PTPRD: variants seen among roughly 807,000 people sequenced by gnomAD.
PTPRD encodes protein tyrosine phosphatase receptor type D.
Under a neutral mutation model 214.5 loss-of-function variants are expected in PTPRD, and 34 were observed. The ratio of observed to expected loss-of-function variants is 0.16; its 90% confidence interval spans 0.12 to 0.21. PTPRD has a LOEUF of 0.21. Ranked by LOEUF, PTPRD falls within the 10% of genes least tolerant of loss-of-function variation. PTPRD has a pLI of 1.00. For missense variants in PTPRD, 2,545 were observed against 2,398.7 expected, an observed-to-expected ratio of 1.06 and a Z score of -1.27; for synonymous variants, 1,128 against 845.7, an observed-to-expected ratio of 1.33 and a Z score of -5.79.
intron 5 of PTPRD, among the ~76,000 whole-genome samples, chr9:9,842,213 AACACACTTATGGTT>A (rs2058493569): frequency 6.6e-6 from 1 of 151,770 alleles, no homozygotes; most frequent in South Asian, 2.1e-4. Flanking sequence ...CTTTGGAACC[AACACACTTATGGTT>A]GTCTTTTTAG....
At chr9:8,820,727 C>A (rs1227845631) in intron 11 of PTPRD, among the ~76,000 whole-genome samples, 1 of 150,688 alleles carries the variant, frequency 6.6e-6, no homozygotes, top group Non-Finnish European at 1.5e-5. Flanking sequence ...ATACTACACA[C>A]CACACACACA....
intron 10 of PTPRD, among the ~76,000 whole-genome samples, chr9:9,041,418 A>G (rs149010255): frequency 0.013 from 1,970 of 152,102 alleles, 21 homozygotes; most frequent in Middle Eastern, 0.024. Flanking sequence ...CTATGTGTCC[A>G]TGTGTTCTCA....
chr9:10,252,659 C>T (rs1034259939), intron 3 of PTPRD, among the ~76,000 whole-genome samples: 3 of 151,970 alleles, frequency 2.0e-5, no homozygotes, highest in Non-Finnish European at 2.9e-5. Context: ...TGTTACATAG[C>T]GATAGATAAA....
chr9:10,234,153 C>G (rs890532719), intron 3 of PTPRD, among the ~76,000 whole-genome samples: 2 of 151,666 alleles, frequency 1.3e-5, no homozygotes, highest in Middle Eastern at 3.2e-3. Context: ...ACTCAGGAGG[C>G]TGATGCAGGA....
At chr9:9,495,970 G>T (rs144372721) in intron 8 of PTPRD, among the ~76,000 whole-genome samples, 1 of 152,120 alleles carries the variant, frequency 6.6e-6, no homozygotes, top group Admixed American at 6.5e-5. Flanking sequence ...CTCAGGCCCC[G>T]CATGAAGCTT....
chr9:9,989,079 GCTCTGGGGAGGAGTTATGTC>G (rs1281617725), intron 4 of PTPRD, among the ~76,000 whole-genome samples: 1 of 142,424 alleles, frequency 7.0e-6, no homozygotes, highest in Non-Finnish European at 1.5e-5. Flanking sequence ...CCAAAGAGTT[GCTCTGGGGAGGAGTTATGTC>G]CTCTGCCAAA....
chr9:9,479,577 T>C (rs971190058), intron 8 of PTPRD, among the ~76,000 whole-genome samples: 2 of 152,184 alleles, frequency 1.3e-5, no homozygotes, highest in African/African-American at 4.8e-5. Flanking sequence ...AACTTGCTTT[T>C]TCTATATAGA....
At chr9:8,832,952 T>G (rs1332429226) in intron 11 of PTPRD, among the ~76,000 whole-genome samples, 1 of 152,108 alleles carries the variant, frequency 6.6e-6, no homozygotes, top group Non-Finnish European at 1.5e-5. Context: ...ATATCTACTC[T>G]TCATTACCTA....
intron 7 of PTPRD, among the ~76,000 whole-genome samples, chr9:9,616,049 C>G (rs1276931624): frequency 2.6e-5 from 4 of 152,142 alleles, no homozygotes; most frequent in Non-Finnish European, 4.4e-5. Flanking sequence ...ATGCATTAGC[C>G]TGTAGTGCTT....
intron 5 of PTPRD, among the ~76,000 whole-genome samples, chr9:9,798,567 G>T (rs551836071): frequency 6.6e-6 from 1 of 152,158 alleles, no homozygotes; most frequent in African/African-American, 2.4e-5. Context: ...ATGGGAGAAG[G>T]TCAGAGAATG....
rs1377840977 is a variant in PTPRD, at chr9:8,981,005, G to A, written c.-104+37692C>T. 3.9e-5 allele frequency among the ~76,000 whole-genome samples: 6 copies of A among 152,026 alleles called. No individual in the cohort carries two copies. The East Asian group carries it at 9.7e-4, about 25-fold the overall frequency. On this transcript the variant is annotated intron_variant, in intron 11 of 45. Transcript: ENST00000381196. ...GAGTATGGGCCTCCTAGGAGTTGAA[G>A]CTGAAAGCTCCCCATAATCTTTGAG...
chr9:10,401,320 T>C (rs983232902), intron 2 of PTPRD, among the ~76,000 whole-genome samples: 1 of 151,566 alleles, frequency 6.6e-6, no homozygotes, highest in Non-Finnish European at 1.5e-5. Context: ...TTGCCTGAAG[T>C]AATTTACTTG....
intron 8 of PTPRD, among the ~76,000 whole-genome samples, chr9:9,409,196 T>G (rs2074548708): frequency 5.3e-5 from 8 of 151,952 alleles, no homozygotes; most frequent in Admixed American, 5.3e-4. Context: ...CTACAATATT[T>G]TTATAAAGTC....
chr9:8,928,827 G>A (rs1359413723), intron 11 of PTPRD, among the ~76,000 whole-genome samples: 3 of 152,126 alleles, frequency 2.0e-5, no homozygotes, highest in Admixed American at 6.6e-5. Flanking sequence ...CCATGAGGAT[G>A]GAATGTTTTT....
At chr9:8,571,019 G>A (rs758638036) in intron 14 of PTPRD, among the ~76,000 whole-genome samples, 2 of 151,828 alleles carry the variant, frequency 1.3e-5, no homozygotes, top group Admixed American at 6.6e-5. Flanking sequence ...ACACATAAAA[G>A]CACCAAGCTC....
At chr9:9,943,324 G>A (rs2091959924) in intron 4 of PTPRD, among the ~76,000 whole-genome samples, 1 of 152,014 alleles carries the variant, frequency 6.6e-6, no homozygotes, top group African/African-American at 2.4e-5. Context: ...ATTTTCCCCT[G>A]TACAGTAGTC....
At position 8,985,989 on chromosome 9, in the gene PTPRD, T is replaced by C. The variant is rs527448081; in HGVS notation, c.-104+32708A>G. ...CTTTCAATCTACTGTGTTCATCAAA[T>C]ATTAGCTATAAAAGCTTTTTTACAG... On this transcript the variant is annotated intron_variant, in intron 11 of 45. Coordinates refer to ENST00000381196, the MANE Select transcript of PTPRD (RefSeq NM_002839.4). 1.6e-4 allele frequency among the ~76,000 whole-genome samples: 24 copies of C among 152,220 alleles called. No individual in the cohort carries two copies. The South Asian group carries it at 5.0e-3, about 32-fold the overall frequency.
At chr9:8,947,481 A>G (rs985581730) in intron 11 of PTPRD, among the ~76,000 whole-genome samples, 2 of 149,752 alleles carry the variant, frequency 1.3e-5, no homozygotes, top group African/African-American at 4.9e-5. Context: ...AAAAAAAAAG[A>G]AAAAAGAAAA....
At chr9:10,288,885 G>C in intron 3 of PTPRD, among the ~76,000 whole-genome samples, 1 of 152,098 alleles carries the variant, frequency 6.6e-6, no homozygotes, top group East Asian at 1.9e-4. Context: ...ATAAATTAGA[G>C]AGGAGTCTAA....
Sources: gnomAD v4.1 joint callset for allele counts (sites outside exome capture counted in the v4.1 genomes callset) on GRCh38, gnomAD v4.1.1 for gene constraint, MANE v1.5 for transcripts, NCBI Gene and HGNC (gene_info 2026-07-23, HGNC 2026-07-21) for gene names.